Variants in PTPRF observed in about 807,000 individuals in gnomAD.
PTPRF encodes protein tyrosine phosphatase receptor type F, also known as receptor-type tyrosine-protein phosphatase F.
A neutral mutation model predicts 201.8 loss-of-function variants in PTPRF; 59 were observed. The observed-to-expected ratio is 0.29, with a 90% CI of 0.24 to 0.36. PTPRF has a LOEUF of 0.36. PTPRF is among the 10% of genes least tolerant of loss of function. The pLI, the probability that PTPRF is intolerant of heterozygous loss-of-function variation, is 1.00. For synonymous variants in PTPRF, 1,088 were observed against 1,089.7 expected (o/e 1.00, Z 0.03); for missense variants, 2,132 against 2,690.5 (o/e 0.79, Z 4.59).
At chr1:43,557,755 G>A (rs562283864) in intron 5 of PTPRF, among the ~76,000 whole-genome samples, 7 of 152,268 alleles carry the variant, frequency 4.6e-5, no homozygotes, top group African/African-American at 1.7e-4. Flanking sequence ...GGGAGAGTGT[G>A]GCGCAAGTAC....
chr1:43,613,623 C>T lies in PTPRF; in HGVS notation c.3979C>T (p.Arg1327Ter). The change falls in exon 23 of 34, where the codon CGA becomes TGA. Residue 1327 changes from arginine to a stop codon, truncating the protein, a stop_gained. Transcript: ENST00000359947. LOFTEE classifies it high-confidence loss of function. The stretch of plus-strand genomic sequence containing the variant: ...GTATGCCCTACCTCCCCTAGGTATG[C>T]GAGACCACCCACCCATCCCCATCAC... ...RRLNYQTPGM[R>*]DHPPIPITDL... 1 of 1,613,810 alleles carries T rather than the reference C, an allele frequency of 6.2e-7. No homozygotes were observed. Among genetic ancestry groups the T allele is most frequent in the Non-Finnish European group, 8.5e-7 (1 of 1,179,694 alleles).
chr1:43,594,678 G>T (rs560443977), intron 11 of PTPRF, among the ~76,000 whole-genome samples: 9 of 152,262 alleles, frequency 5.9e-5, no homozygotes, highest in African/African-American at 2.2e-4. Context: ...GGGCCCAGGG[G>T]GAGGGAAGTG....
Position 43,554,831 on chromosome 1 carries a change from CT to C in PTPRF, c.379+898del, listed in dbSNP as rs1184329869. 6.6e-5 allele frequency among the ~76,000 whole-genome samples: 10 copies of C among 150,906 alleles called. No individual in the cohort carries two copies. The highest frequency in any genetic ancestry group is 2.4e-4 in the African/African-American group (10 of 40,992). On this transcript the variant is annotated intron_variant, in intron 5 of 33. Transcript: ENST00000359947. This position sits in a 1 kb window ranked among gnomAD's most constrained non-coding sequence, Gnocchi z 4.1. ...AAAATATAGCATCGATTGTTGCTTG[CT>C]TTTTTTTCTTTTCTTTCTTTCTTTC...
chr1:43,543,258 GGC>G (rs879665358), intron 2 of PTPRF, among the ~76,000 whole-genome samples: 16 of 152,316 alleles, frequency 1.1e-4, no homozygotes, highest in Admixed American at 7.8e-4. Context: ...GGCTGCATGT[GGC>G]ACCATAGCGC....
chr1:43,574,764 C>A (rs758064495), intron 6 of PTPRF, among the ~76,000 whole-genome samples: 6 of 152,228 alleles, frequency 3.9e-5, no homozygotes, highest in Non-Finnish European at 7.3e-5. Flanking sequence ...CCAGCCTTTG[C>A]CCTCTCCCCT....
intron 24 of PTPRF, 54 bp from the exon 25 acceptor site, chr1:43,617,682 G>C (rs1658202367): frequency 3.8e-6 from 6 of 1,599,886 alleles, no homozygotes; most frequent in Non-Finnish European, 5.1e-6. Flanking sequence ...AGGCATGGTG[G>C]GCTGGGCTGG....
rs769977069 is a variant in PTPRF at position 43,605,009 on chromosome 1, G to C, written c.3135+9G>C. 1.2e-6 allele frequency: 2 copies of C among 1,613,066 alleles called. No individual in the cohort carries two copies. The highest frequency in any genetic ancestry group is 3.3e-5 in the Admixed American group (2 of 60,022). ...CAGCTGTGCCCTTTAAGGTGAGTAA[G>C]GGCCACGGCCAGCTGAGCCTGGCAC... On this transcript the variant is annotated intron_variant, in intron 17 of 33. Coordinates refer to ENST00000359947, the MANE Select transcript of PTPRF (RefSeq NM_002840.5).
intron 5 of PTPRF, among the ~76,000 whole-genome samples, chr1:43,567,543 C>T (rs1410554847): frequency 6.6e-6 from 1 of 152,186 alleles, no homozygotes; most frequent in African/African-American, 2.4e-5. Context: ...TAGCCTGAGA[C>T]CTCTGCTCCT....
chr1:43,619,633 C>T (rs1320075250), intron 28 of PTPRF, 47 bp from the exon 29 acceptor site: 2 of 1,610,538 alleles, frequency 1.2e-6, no homozygotes, highest in Non-Finnish European at 1.7e-6. Flanking sequence ...CAGATGACCC[C>T]CACCCCCACA....
At chr1:43,569,155 C>T (rs1438139736) in intron 5 of PTPRF, among the ~76,000 whole-genome samples, 3 of 152,062 alleles carry the variant, frequency 2.0e-5, no homozygotes, top group African/African-American at 4.8e-5. Flanking sequence ...GGAGAGGGGG[C>T]TGGACAGCAC....
Position 43,606,926 on chromosome 1 carries a change from T to C in PTPRF, c.3815T>C (p.Ile1272Thr). Residue 1272 changes from isoleucine to threonine, a missense_variant, in exon 21 of 34, where the codon ATC becomes ACC. Transcript: ENST00000359947. ...LWVTGPVLAV[I>T]LIILIVIAIL... is the part of the protein sequence containing the mutation. ...GTGACGGGTCCCGTGCTGGCAGTCA[T>C]CCTCATCATCCTCATTGTCATCGCC... 6.2e-7 allele frequency: 1 copy of C among 1,614,140 alleles called. No individual in the cohort carries two copies. Among genetic ancestry groups the C allele is most frequent in the Non-Finnish European group, 8.5e-7 (1 of 1,180,024 alleles).
At chr1:43,557,183 A>G (rs532936955) in intron 5 of PTPRF, among the ~76,000 whole-genome samples, 16 of 152,336 alleles carry the variant, frequency 1.1e-4, no homozygotes, top group African/African-American at 3.6e-4. Context: ...CCTCCTTGTT[A>G]GTATTGAAAG....
chr1:43,570,838 G>A (rs1444531570), intron 6 of PTPRF, among the ~76,000 whole-genome samples: 1 of 152,264 alleles, frequency 6.6e-6, no homozygotes, highest in Non-Finnish European at 1.5e-5. Flanking sequence ...GGAGGCAGCT[G>A]TAGCGCAGTT....
At chr1:43,596,411 G>T (rs1225118237) in intron 11 of PTPRF, among the ~76,000 whole-genome samples, 1 of 152,146 alleles carries the variant, frequency 6.6e-6, no homozygotes, top group Non-Finnish European at 1.5e-5. Flanking sequence ...GCAGGGGGTG[G>T]TGACAGAACT....
At chr1:43,616,536 G>C (rs942225804) in intron 23 of PTPRF, among the ~76,000 whole-genome samples, 6 of 151,978 alleles carry the variant, frequency 3.9e-5, no homozygotes, top group Admixed American at 1.3e-4. Context: ...GAGAGCTGAG[G>C]GGGTGGGGGA....
At chr1:43,619,011 C>A in intron 26 of PTPRF, 37 bp from the exon 27 acceptor site, 1 of 1,599,996 alleles carries the variant, frequency 6.3e-7, no homozygotes, top group South Asian at 1.1e-5. Flanking sequence ...GGCAGGTAGG[C>A]TCCTAGTCGC....
Position 43,622,094 on chromosome 1 carries a change from C to T in PTPRF, c.*91C>T, listed in dbSNP as rs1659354169. 1 of 1,364,720 alleles carries T rather than the reference C, an allele frequency of 7.3e-7. No homozygotes were observed. The highest frequency in any genetic ancestry group is 1.2e-5 in the South Asian group (1 of 85,238). 84.5% of individuals were successfully genotyped at this position (1,364,720 alleles called of 1,614,324 possible). A position where few individuals can be genotyped will look rare whatever the true frequency, so the allele number is the denominator to read the frequency against. On this transcript the variant is annotated 3_prime_UTR_variant, in exon 34 of 34. Coordinates refer to ENST00000359947, the MANE Select transcript of PTPRF (RefSeq NM_002840.5). The stretch of plus-strand genomic sequence containing the variant: ...CCATACCGACCATCGTCCAGCCCTC[C>T]TACGCAGATGCTGTCACTGGCAGAG...
intron 6 of PTPRF, 26 bp downstream of exon 6, chr1:43,569,804 G>A (rs1455586449): frequency 3.2e-6 from 5 of 1,583,210 alleles, no homozygotes; most frequent in Admixed American, 3.5e-5. Flanking sequence ...GGGTCAAGGG[G>A]CCATGCAGAC....
At chr1:43,609,575 T>A in intron 22 of PTPRF, 77 bp downstream of exon 22, 1 of 1,117,464 alleles carries the variant, frequency 8.9e-7, no homozygotes, top group Non-Finnish European at 1.3e-6. Flanking sequence ...GGTCTCAGGG[T>A]CGCCACTGAA....
Sources: gnomAD v4.1 joint callset for allele counts (sites outside exome capture counted in the v4.1 genomes callset) on GRCh38, gnomAD v4.1.1 for gene constraint, Gnocchi (gnomAD v3.1) non-coding constraint, MANE v1.5 for transcripts, NCBI Gene and HGNC (gene_info 2026-07-23, HGNC 2026-07-21) for gene names.